The following USP35 variants were observed in gnomAD, a reference collection of about 807,000 sequenced individuals.
The protein encoded by USP35 is ubiquitin specific peptidase 35, also known as ubiquitin carboxyl-terminal hydrolase 35.
USP35 carries 69 observed loss-of-function variants against 83.8 expected under a neutral mutation model. The observed-to-expected ratio is 0.82, with a 90% CI of 0.68 to 1.01. The LOEUF is 1.01. Ranked by LOEUF, USP35 falls within the 50% of genes least tolerant of loss-of-function variation. USP35 has a pLI of 0.00. For missense variants in USP35, 1,503 were observed against 1,362.5 expected (o/e 1.10, Z -1.62); for synonymous variants, 714 against 589.5 (o/e 1.21, Z -3.06).
chr11:78,229,953 C>G, the USP35 span, among the ~76,000 whole-genome samples: 14 of 152,312 alleles, frequency 9.2e-5, no homozygotes, highest in African/African-American at 3.4e-4. Context: ...CATTGCTTAA[C>G]TTAATCACTT....
At chr11:78,233,418 G>GATC in the USP35 span, among the ~76,000 whole-genome samples, 1 of 152,150 alleles carries the variant, frequency 6.6e-6, no homozygotes, top group Admixed American at 6.5e-5. Context: ...CCAGATCACT[G>GATC]ATCATCTATT....
the USP35 span, among the ~76,000 whole-genome samples, chr11:78,231,016 T>C: frequency 6.6e-6 from 1 of 152,222 alleles, no homozygotes; most frequent in Non-Finnish European, 1.5e-5. Context: ...AGAAGCCTTA[T>C]AAAATAGGCA....
chr11:78,215,449 T>C (rs1304657865), downstream of USP35: 1 of 152,368 alleles, frequency 6.6e-6, no homozygotes, highest in East Asian at 1.9e-4. Context: ...TATGTTACAA[T>C]TTAAAAAAAA....
intron 1 of USP35, among the ~76,000 whole-genome samples, chr11:78,193,205 C>CT (rs1314756873): frequency 6.6e-6 from 1 of 151,760 alleles, no homozygotes; most frequent in Non-Finnish European, 1.5e-5. Context: ...TTTCTTTTTT[C>CT]TTTTTTGAAA....
chr11:78,200,952 T>C (rs1590903675), intron 6 of USP35, 144 bp downstream of exon 6: 4 of 1,248,884 alleles, frequency 3.2e-6, no homozygotes, highest in Non-Finnish European at 3.2e-6. Flanking sequence ...AGGTCCATCA[T>C]GTGCCTCAAG....
At chr11:78,219,368 C>G, downstream of USP35, 1 of 1,613,962 alleles carries the variant, frequency 6.2e-7, no homozygotes. Context: ...CCTTGTCCAC[C>G]TGAACGTAGT....
chr11:78,225,188 T>C, the USP35 span: 1 of 1,609,602 alleles, frequency 6.2e-7, no homozygotes. Flanking sequence ...TACTCGTAGG[T>C]CTCACAGGAA....
chr11:78,217,324 A>T (rs1864197608), downstream of USP35: 1 of 152,182 alleles, frequency 6.6e-6, no homozygotes, highest in South Asian at 2.1e-4. Flanking sequence ...AACCCCAGAA[A>T]CTGGAGACAG....
At chr11:78,230,419 A>C in the USP35 span, among the ~76,000 whole-genome samples, 10 of 152,264 alleles carry the variant, frequency 6.6e-5, no homozygotes, top group Non-Finnish European at 1.0e-4. Context: ...CACAAAGTCC[A>C]CAAGAAGCCT....
chr11:78,201,882 G>A (rs1863370607), intron 6 of USP35, among the ~76,000 whole-genome samples: 1 of 152,168 alleles, frequency 6.6e-6, no homozygotes, highest in African/African-American at 2.4e-5. Flanking sequence ...GTGGGGTGAA[G>A]GGGTCTAGGT....
At chr11:78,195,634 C>G (rs1007369107) in intron 1 of USP35, among the ~76,000 whole-genome samples, 2 of 152,126 alleles carry the variant, frequency 1.3e-5, no homozygotes, top group African/African-American at 2.4e-5. Context: ...ACAGGGTCAC[C>G]AGGGAGGTCT....
chr11:78,211,131 C>T (rs1212137298), intron 10 of USP35, among the ~76,000 whole-genome samples: 13 of 113,114 alleles, frequency 1.1e-4, no homozygotes, highest in African/African-American at 3.4e-4. Context: ...GGGTGTTGGT[C>T]CCCTCCCACC....
At chr11:78,222,353 C>T in the USP35 span, among the ~76,000 whole-genome samples, 1 of 151,946 alleles carries the variant, frequency 6.6e-6, no homozygotes, top group Non-Finnish European at 1.5e-5. Flanking sequence ...TAATCTTTGC[C>T]CATATTGATG....
At chr11:78,206,057 C>T in intron 7 of USP35, 22 bp downstream of exon 7, 1 of 1,598,786 alleles carries the variant, frequency 6.3e-7, no homozygotes, top group East Asian at 2.3e-5. Flanking sequence ...TTTGGAATTC[C>T]CTGTCTGCCC....
chr11:78,208,723 G>T (rs1033473070), intron 8 of USP35, 134 bp from the exon 9 acceptor site: 3 of 921,666 alleles, frequency 3.3e-6, no homozygotes, highest in Non-Finnish European at 5.1e-6. Flanking sequence ...TAGAAAAGCG[G>T]GGAGGACCTC....
intron 6 of USP35, among the ~76,000 whole-genome samples, chr11:78,203,887 C>CTTTTTTTTTTTTTT (rs200697593): frequency 1.6e-5 from 2 of 124,414 alleles, no homozygotes; most frequent in African/African-American, 6.4e-5. Context: ...CCATATTTTT[C>CTTTTTTTTTTTTTT]TTTTCTTTTT....
Position 78,209,759 on chromosome 11 carries a change from C to A in USP35, c.1904C>A (p.Pro635Gln), listed in dbSNP as rs879039396. The part of the protein sequence containing the change: ...ELPPPTSAQG[P>Q]GRVGPRRQRK... ...CCCCCACCAACCAGTGCACAGGGGC[C>A]AGGCAGGGTGGGTCCTCGGAGGCAA... is the stretch of plus-strand genomic sequence containing the variant. The change falls in exon 10 of 11, where the codon CCA (proline) becomes CAA (glutamine). Residue 635 changes from proline to glutamine, a missense_variant. By Grantham distance (76) the Pro-to-Gln change is moderately conservative. Transcript: ENST00000529308. 11 of 1,614,038 alleles carry A rather than the reference C, an allele frequency of 6.8e-6. No homozygotes were observed. The South Asian group carries it at 9.9e-5, about 14-fold the overall frequency.
chr11:78,197,802 TAGG>T (rs781758468), intron 2 of USP35, 131 bp from the exon 3 acceptor site: 28 of 1,290,708 alleles, frequency 2.2e-5, no homozygotes, highest in Non-Finnish European at 2.8e-5. Flanking sequence ...TTGCTTGCTA[TAGG>T]AGAGGAGGTG....
the USP35 span, among the ~76,000 whole-genome samples, chr11:78,224,328 C>T: frequency 6.6e-6 from 1 of 152,146 alleles, no homozygotes; most frequent in Non-Finnish European, 1.5e-5. Context: ...CCAGACTCAC[C>T]ACTGGCAGGT....
Sources: gnomAD v4.1 joint callset for allele counts (sites outside exome capture counted in the v4.1 genomes callset) on GRCh38, gnomAD v4.1.1 for gene constraint, MANE v1.5 for transcripts, NCBI Gene and HGNC (gene_info 2026-07-23, HGNC 2026-07-21) for gene names.